The following ELAPOR2 variants were observed in gnomAD, a reference collection of about 807,000 sequenced individuals.
ELAPOR2 encodes endosome-lysosome associated apoptosis and autophagy regulator family member 2.
ELAPOR2 carries 89 observed loss-of-function variants against 120.7 expected under a neutral mutation model. The ratio of observed to expected loss-of-function variants is 0.74; its 90% CI spans 0.62 to 0.88. The LOEUF (loss-of-function observed/expected upper bound fraction) is 0.88. Ranked by LOEUF, ELAPOR2 falls within the 40% of genes least tolerant of loss-of-function variation. The pLI is 0.00. For missense variants in ELAPOR2, 1,134 were observed against 1,251.6 expected, an observed-to-expected ratio of 0.91 and a Z score of 1.42; for synonymous variants, 444 against 444.9, an observed-to-expected ratio of 1.00 and a Z score of 0.03.
chr7:86,919,399 CA>C (rs1353706496), intron 10 of ELAPOR2, 89 bp from the exon 11 acceptor site: 155 of 742,152 alleles, frequency 2.1e-4, no homozygotes, highest in Middle Eastern at 7.5e-4. Context: ...TAAAAAGAAG[CA>C]TTAGTGTTTC....
intron 1 of ELAPOR2, among the ~76,000 whole-genome samples, chr7:87,001,581 G>A (rs1793317330): frequency 6.6e-6 from 1 of 152,096 alleles, no homozygotes; most frequent in Non-Finnish European, 1.5e-5. Flanking sequence ...CAACAAGTAG[G>A]ATCTCTGAGC....
intron 1 of ELAPOR2, among the ~76,000 whole-genome samples, chr7:87,038,503 C>A (rs562143786): frequency 1.3e-5 from 2 of 152,158 alleles, no homozygotes; most frequent in African/African-American, 4.8e-5. Context: ...AAAATATTGA[C>A]CTTCATGAGT....
chr7:86,910,074 G>C lies in ELAPOR2; in HGVS notation c.2170-73C>G. ...CTAAACTTAATCTTGACTAGCTAGT[G>C]ACCCTAGAAGAGCAGTGGCTCTCTC... On this transcript the variant is annotated intron_variant, in intron 15 of 21. Coordinates refer to ENST00000450689, the MANE Select transcript of ELAPOR2 (RefSeq NM_001142749.3). The C allele has an allele frequency of 2.6e-6, 3 of 1,172,362 alleles. No individual in the cohort carries two copies. In the South Asian group the frequency reaches 4.6e-5, roughly 18 times the overall value. 72.6% of individuals were successfully genotyped at this position (1,172,362 alleles called of 1,614,324 possible).
intron 1 of ELAPOR2, among the ~76,000 whole-genome samples, chr7:86,975,119 T>C (rs1583932736): frequency 6.6e-6 from 1 of 152,316 alleles, no homozygotes; most frequent in Non-Finnish European, 1.5e-5. Flanking sequence ...GACAGCACAG[T>C]TCGCTGACTT....
chr7:86,941,867 T>A, intron 5 of ELAPOR2, 151 bp downstream of exon 5: 1 of 517,550 alleles, frequency 1.9e-6, no homozygotes. Flanking sequence ...AGAAATCATC[T>A]AAATTAATAG....
At chr7:86,919,743 G>A (rs1477302516) in intron 10 of ELAPOR2, 1 of 152,752 alleles carries the variant, frequency 6.5e-6, no homozygotes, top group Non-Finnish European at 1.5e-5. Context: ...TTTAACCCCT[G>A]TTCTGCATTC....
intron 1 of ELAPOR2, among the ~76,000 whole-genome samples, chr7:87,042,698 C>G (rs200396881): frequency 1.6e-4 from 25 of 152,042 alleles, no homozygotes; most frequent in African/African-American, 3.6e-4. Context: ...ACAATTAAAA[C>G]AACTAGAAAA....
Position 86,938,775 on chromosome 7 carries a change from G to A in ELAPOR2, c.1000+33C>T, listed in dbSNP as rs374904062. On this transcript the variant is annotated intron_variant, in intron 7 of 21. Transcript: ENST00000450689. ...TGTACACTTGACCAACATACATTTA[G>A]AAAGAAAAAAGCAGAGTATAAACTA... 2.5e-6 allele frequency: 4 copies of A among 1,606,552 alleles called. No individual in the cohort carries two copies. The East Asian group carries it at 8.9e-5, about 36-fold the overall frequency.
intron 18 of ELAPOR2, among the ~76,000 whole-genome samples, chr7:86,903,863 A>T (rs1348823693): frequency 2.6e-5 from 4 of 152,222 alleles, no homozygotes; most frequent in Non-Finnish European, 5.9e-5. Context: ...GGCATCAATA[A>T]AGACCCTGTT....
intron 1 of ELAPOR2, among the ~76,000 whole-genome samples, chr7:87,033,776 CA>C (rs200707635): frequency 0.035 from 5,299 of 150,854 alleles, 328 homozygotes; most frequent in African/African-American, 0.12. Flanking sequence ...GCAATCTGTA[CA>C]AAAAAAATCA....
At chr7:87,038,000 T>C (rs1794643460) in intron 1 of ELAPOR2, among the ~76,000 whole-genome samples, 1 of 152,222 alleles carries the variant, frequency 6.6e-6, no homozygotes, top group Admixed American at 6.5e-5. Context: ...TGTACTATCA[T>C]CATAGACTAT....
chr7:86,896,730 G>A (rs942549920), intron 19 of ELAPOR2, among the ~76,000 whole-genome samples: 3 of 152,144 alleles, frequency 2.0e-5, no homozygotes, highest in African/African-American at 7.2e-5. Context: ...CTAGTTCAGT[G>A]AAGCAGGCTC....
At chr7:87,055,788 A>G (rs1204563013) in intron 1 of ELAPOR2, among the ~76,000 whole-genome samples, 1 of 152,184 alleles carries the variant, frequency 6.6e-6, no homozygotes, top group Non-Finnish European at 1.5e-5. Context: ...TATTCTTTAA[A>G]TTACTAATTT....
intron 1 of ELAPOR2, among the ~76,000 whole-genome samples, chr7:87,009,986 GAA>G (rs1793602818): frequency 1.7e-5 from 1 of 60,326 alleles, no homozygotes; most frequent in Non-Finnish European, 3.3e-5. Flanking sequence ...AACTCATTAC[GAA>G]AGAAAGAAAG....
chr7:86,925,223 T>C (rs73382388), intron 10 of ELAPOR2, among the ~76,000 whole-genome samples: 17,261 of 151,940 alleles, frequency 0.11, 1,024 homozygotes, highest in African/African-American at 0.14. Context: ...GTAAAGAACA[T>C]AGATTTCATC....
chr7:86,947,907 G>A lies in ELAPOR2; in HGVS notation c.326C>T (p.Ser109Phe). Residue 109 changes from serine to phenylalanine, a missense_variant, in exon 3 of 22, where the codon TCT (serine) becomes TTT (phenylalanine). By Grantham distance (155) the Ser-to-Phe change is radical. Coordinates refer to ENST00000450689, the MANE Select transcript of ELAPOR2 (RefSeq NM_001142749.3). ...RGKECTFSCASGEYLEMKNQV... is the reference protein window; with the variant it reads ...RGKECTFSCAFGEYLEMKNQV... ...GTTCTTCATTTCTAGATACTCTCCA[G>A]AAGCACAGGAGAAAGCTGGAAGGCA... 2.6e-6 allele frequency: 4 copies of A among 1,551,528 alleles called. No individual in the cohort carries two copies. Among genetic ancestry groups the A allele is most frequent in the Non-Finnish European group, 3.5e-6 (4 of 1,146,620 alleles).
chr7:86,943,747 G>A (rs1222451239), intron 4 of ELAPOR2, among the ~76,000 whole-genome samples: 3 of 151,964 alleles, frequency 2.0e-5, no homozygotes, highest in African/African-American at 7.2e-5. Flanking sequence ...CAATGAAACA[G>A]GGAATTGTTC....
At chr7:86,883,670 T>C (rs529803834) in intron 21 of ELAPOR2, among the ~76,000 whole-genome samples, 4 of 152,198 alleles carry the variant, frequency 2.6e-5, no homozygotes, top group Non-Finnish European at 5.9e-5. Flanking sequence ...ATTACATTTA[T>C]ATGAAGTTCT....
chr7:86,998,423 T>G (rs1793197086), intron 1 of ELAPOR2, among the ~76,000 whole-genome samples: 1 of 152,212 alleles, frequency 6.6e-6, no homozygotes. Flanking sequence ...GTCAAGCGAT[T>G]TAGCTTAATG....
Sources: gnomAD v4.1 joint callset for allele counts (sites outside exome capture counted in the v4.1 genomes callset) on GRCh38, gnomAD v4.1.1 for gene constraint, MANE v1.5 for transcripts, NCBI Gene and HGNC (gene_info 2026-07-23, HGNC 2026-07-21) for gene names.